Variants in LOXL2 observed in about 807,000 individuals in gnomAD.
LOXL2 encodes the protein lysyl oxidase homolog 2.
Under a neutral mutation model 93.0 loss-of-function variants are expected in LOXL2, and 70 were observed. The ratio of observed to expected loss-of-function variants is 0.75; its 90% CI spans 0.62 to 0.92. The LOEUF is 0.92. Among genes scored for constraint, LOXL2 ranks in the 40% least tolerant of loss-of-function variants. LOXL2 has a pLI of 0.00. For missense variants in LOXL2, 973 were observed against 1,054.9 expected (o/e 0.92, Z 1.08); for synonymous variants, 438 against 413.2 (o/e 1.06, Z -0.73).
At chr8:23,389,077 A>T (rs996744685) in intron 1 of LOXL2, among the ~76,000 whole-genome samples, 1 of 152,198 alleles carries the variant, frequency 6.6e-6, no homozygotes, top group Admixed American at 6.5e-5. Flanking sequence ...TTCTTATCCC[A>T]GTAGTAGTAT....
chr8:23,301,433 C>G (rs1803129562), intron 12 of LOXL2, among the ~76,000 whole-genome samples: 1 of 152,178 alleles, frequency 6.6e-6, no homozygotes, highest in Non-Finnish European at 1.5e-5. Flanking sequence ...ATCTCGGCAA[C>G]CCCTCTGACA....
intron 1 of LOXL2, among the ~76,000 whole-genome samples, chr8:23,377,387 G>T (rs1193811616): frequency 1.3e-5 from 2 of 151,730 alleles, no homozygotes; most frequent in South Asian, 4.2e-4. Context: ...GAATAAGTGC[G>T]ATGTGGTGCT....
intron 5 of LOXL2, among the ~76,000 whole-genome samples, chr8:23,329,552 G>A (rs1803639763): frequency 6.7e-6 from 1 of 150,346 alleles, no homozygotes; most frequent in Non-Finnish European, 1.5e-5. Flanking sequence ...ACGTGTGTGT[G>A]TAAGCTCACC....
At chr8:23,302,321 C>T (rs879267725) in intron 11 of LOXL2, among the ~76,000 whole-genome samples, 158 bp from the exon 12 acceptor site, 25 of 152,216 alleles carry the variant, frequency 1.6e-4, no homozygotes, top group Non-Finnish European at 2.5e-4. Context: ...GTAGAACCCC[C>T]CACTCAATTC....
At chr8:23,321,179 C>T (rs1803491064) in intron 7 of LOXL2, among the ~76,000 whole-genome samples, 1 of 152,198 alleles carries the variant, frequency 6.6e-6, no homozygotes, top group Non-Finnish European at 1.5e-5. Flanking sequence ...AAAGCCAAGG[C>T]AAGTCTCAGA....
chr8:23,369,329 C>T (rs1804461771), intron 1 of LOXL2, among the ~76,000 whole-genome samples: 1 of 152,120 alleles, frequency 6.6e-6, no homozygotes, highest in South Asian at 2.1e-4. Flanking sequence ...TATCTTGGTC[C>T]TCCCGTAATT....
intron 1 of LOXL2, among the ~76,000 whole-genome samples, chr8:23,375,803 T>C (rs1804578213): frequency 6.6e-6 from 1 of 152,232 alleles, no homozygotes; most frequent in Non-Finnish European, 1.5e-5. Flanking sequence ...CCTGAGACTT[T>C]GCTGAAGTTG....
chr8:23,326,015 C>G (rs1334784661), intron 6 of LOXL2, among the ~76,000 whole-genome samples: 1 of 152,250 alleles, frequency 6.6e-6, no homozygotes, highest in Non-Finnish European at 1.5e-5. Context: ...GAGGAGGACT[C>G]AGATTGCCCG....
At chr8:23,341,875 C>G (rs1403434467) in intron 3 of LOXL2, among the ~76,000 whole-genome samples, 1 of 152,154 alleles carries the variant, frequency 6.6e-6, no homozygotes, top group Non-Finnish European at 1.5e-5. Context: ...TGGCAGGGAT[C>G]AGGGAGGTAG....
chr8:23,330,276 G>A (rs1364926528), intron 5 of LOXL2, among the ~76,000 whole-genome samples: 1 of 152,260 alleles, frequency 6.6e-6, no homozygotes, highest in Non-Finnish European at 1.5e-5. Flanking sequence ...GGAGCTTGCA[G>A]TGAGCCGAGA....
chr8:23,299,061 G>A, intron 12 of LOXL2, 114 bp from the exon 13 acceptor site: 1 of 663,302 alleles, frequency 1.5e-6, no homozygotes, highest in East Asian at 2.7e-5. Context: ...CAGGTGCCGG[G>A]ACCCAAGACG....
intron 1 of LOXL2, 99 bp downstream of exon 1, chr8:23,403,855 G>A (rs981852410): frequency 6.5e-6 from 1 of 152,932 alleles, no homozygotes; most frequent in Admixed American, 6.5e-5. Flanking sequence ...ACTGTCGAGA[G>A]GCAGCCCCGC....
intron 5 of LOXL2, among the ~76,000 whole-genome samples, chr8:23,330,866 G>A (rs558664525): frequency 6.6e-6 from 1 of 152,204 alleles, no homozygotes; most frequent in Non-Finnish European, 1.5e-5. Context: ...GTCCAGGCGT[G>A]TCCTGGAGGC....
intron 2 of LOXL2, chr8:23,364,409 A>G (rs1432926108): frequency 6.6e-6 from 1 of 152,244 alleles, no homozygotes; most frequent in East Asian, 1.9e-4. Context: ...CTTTGCTTCC[A>G]ATGCCTCTCC....
intron 1 of LOXL2, among the ~76,000 whole-genome samples, chr8:23,377,960 G>T (rs995757470): frequency 6.6e-6 from 1 of 152,170 alleles, no homozygotes. Context: ...ATATTGTTAC[G>T]TGTAAATTTG....
At chr8:23,346,187 A>AAT (rs1803980690) in intron 3 of LOXL2, among the ~76,000 whole-genome samples, 2 of 114,514 alleles carry the variant, frequency 1.7e-5, no homozygotes, top group African/African-American at 8.7e-5. Context: ...TAAAATAATA[A>AAT]AATAAAATAA....
rs1803508192 is a variant in LOXL2, at chr8:23,322,217, G to A, written c.1215C>T (p.Cys405=). The change falls in exon 7 of 14, where the codon TGC becomes TGT. Residue 405 remains cysteine (C), a synonymous_variant. Coordinates refer to ENST00000389131, the MANE Select transcript of LOXL2 (RefSeq NM_002318.3). ...CTGNEKSIID[C]KFNAESQGCN... ...AGCCCTGAGACTCGGCATTGAACTTGCAGTCTATAATGGACTTCTCATTGC... is the reference window on the plus strand; with the variant it reads ...AGCCCTGAGACTCGGCATTGAACTTACAGTCTATAATGGACTTCTCATTGC... 1 of 1,614,038 alleles carries A rather than the reference G, an allele frequency of 6.2e-7. No homozygotes were observed. The highest frequency in any genetic ancestry group is 1.3e-5 in the African/African-American group (1 of 74,934).
rs185473954 is a variant in LOXL2 at position 23,377,408 on chromosome 8, T to A, written c.-83-8974A>T. Among the ~76,000 whole-genome samples, 24 of 151,372 alleles carry A rather than the reference T, an allele frequency of 1.6e-4. No homozygotes were observed. In the East Asian group the frequency reaches 4.3e-3, roughly 27 times the overall value. On this transcript the variant is annotated intron_variant, in intron 1 of 13. Transcript: ENST00000389131. ...GTGCGATGTGGTGCTGAGAAGAATG[T>A]ATATTCTGTTGATTTGGGATGGAGA...
chr8:23,317,941 G>A (rs1803428786), intron 8 of LOXL2, among the ~76,000 whole-genome samples: 1 of 148,250 alleles, frequency 6.7e-6, no homozygotes, highest in Admixed American at 6.8e-5. Flanking sequence ...CATCAGGATA[G>A]GAAGGGCCTT....
Sources: allele counts gnomAD v4.1 joint callset (sites outside exome capture counted in the v4.1 genomes callset), GRCh38; gene constraint gnomAD v4.1.1; transcripts MANE v1.5; gene names NCBI Gene and HGNC (gene_info 2026-07-23, HGNC 2026-07-21).